The following HEATR4 variants were observed in gnomAD, a reference collection of about 807,000 sequenced individuals.
HEATR4 encodes the protein HEAT repeat containing 4, also known as HEAT repeat-containing protein 4.
HEATR4 carries 95 observed loss-of-function variants against 108.8 expected under a neutral mutation model. That is an observed-to-expected ratio of 0.87 (90% CI 0.74 to 1.04). HEATR4 has a LOEUF of 1.04. Among genes scored for constraint, HEATR4 ranks in the 50% least tolerant of loss-of-function variants. The pLI is 0.00. For synonymous variants in HEATR4, 443 were observed against 459.4 expected (o/e 0.96, Z 0.46); for missense variants, 1,152 against 1,253.8 (o/e 0.92, Z 1.23).
At chr14:73,610,164 G>C in the HEATR4 span, among the ~76,000 whole-genome samples, 6,709 of 152,034 alleles carry the variant, frequency 0.044, 185 homozygotes, top group Middle Eastern at 0.078. Flanking sequence ...CTAGGACTTG[G>C]GGGTAGGCCA....
chr14:73,609,812 T>G, the HEATR4 span, among the ~76,000 whole-genome samples: 1 of 152,018 alleles, frequency 6.6e-6, no homozygotes, highest in East Asian at 1.9e-4. Flanking sequence ...GGCTAATTTT[T>G]GTATTTTTAG....
chr14:73,528,314 G>C (rs1157382868), intron 2 of HEATR4, among the ~76,000 whole-genome samples: 1 of 149,984 alleles, frequency 6.7e-6, no homozygotes, highest in African/African-American at 2.5e-5. Flanking sequence ...ATCGCTTGAA[G>C]CTGGGAGGCG....
the HEATR4 span, among the ~76,000 whole-genome samples, chr14:73,589,051 T>C: frequency 6.6e-6 from 1 of 152,202 alleles, no homozygotes; most frequent in African/African-American, 2.4e-5. Context: ...ACCAGAATGG[T>C]ACATTTGTTA....
rs1219145958 is a variant in HEATR4, at chr14:73,541,798, C to A, written c.-151-11554G>T. ...GCTCATTCATGACAGCCATTCCCTA[C>A]CCCAACACACACTACCTTTTTTAGT... On this transcript the variant is annotated intron_variant, in intron 1 of 17. Transcript: ENST00000553558. 15 of 734,480 alleles carry A rather than the reference C, an allele frequency of 2.0e-5. 2 individuals are homozygous for A. The highest frequency in any genetic ancestry group is 1.1e-4 in the African/African-American group (6 of 53,200). 45.5% of individuals were successfully genotyped at this position (734,480 alleles called of 1,614,324 possible).
At chr14:73,582,520 A>C in the HEATR4 span, 1 of 151,674 alleles carries the variant, frequency 6.6e-6, no homozygotes, top group Non-Finnish European at 1.5e-5. Context: ...CATTCAAGCA[A>C]AGCTGTCTTC....
At chr14:73,510,866 C>T (rs1887207845) in intron 7 of HEATR4, among the ~76,000 whole-genome samples, 2 of 152,340 alleles carry the variant, frequency 1.3e-5, no homozygotes, top group South Asian at 4.1e-4. Flanking sequence ...ACTCCATAGA[C>T]ACAATTCTAG....
At chr14:73,577,331 G>A in the HEATR4 span, among the ~76,000 whole-genome samples, 2 of 134,546 alleles carry the variant, frequency 1.5e-5, no homozygotes, top group African/African-American at 5.6e-5. Context: ...GCTACCTCCT[G>A]TGTTACTCTG....
At chr14:73,533,427 C>T (rs1246213062) in intron 1 of HEATR4, among the ~76,000 whole-genome samples, 9 of 115,468 alleles carry the variant, frequency 7.8e-5, no homozygotes, top group African/African-American at 2.5e-4. Flanking sequence ...GCCTGTAATC[C>T]CAGCACTTTG....
chr14:73,551,376 C>G (rs981474728), intron 1 of HEATR4, among the ~76,000 whole-genome samples: 1 of 114,600 alleles, frequency 8.7e-6, no homozygotes, highest in African/African-American at 2.8e-5. Context: ...CACGTTGCCT[C>G]TCTAAACTGA....
At position 73,553,336 on chromosome 14, in the gene HEATR4, A is replaced by G. The variant is rs527783204; in HGVS notation, c.-152+5415T>C. 5.8e-4 allele frequency among the ~76,000 whole-genome samples: 65 copies of G among 112,796 alleles called. 11 individuals are homozygous for G. Among genetic ancestry groups the G allele is most frequent in the South Asian group, 2.6e-3 (9 of 3,512 alleles). 74.0% of individuals were successfully genotyped at this position (112,796 alleles called of 152,430 possible). A position where few individuals can be genotyped will look rare whatever the true frequency, so the allele number is the denominator to read the frequency against. ...AGCCTGGGCAACATGGTGAGACCCC[A>G]TCTCTACTAAAAATCCAAAAAATAA... On this transcript the variant is annotated intron_variant, in intron 1 of 17. Transcript: ENST00000553558.
chr14:73,570,969 G>A, the HEATR4 span, among the ~76,000 whole-genome samples: 2 of 134,160 alleles, frequency 1.5e-5, no homozygotes, highest in African/African-American at 5.5e-5. Flanking sequence ...TATTGACTAG[G>A]AAGCCACTTT....
At chr14:73,491,921 C>G in intron 17 of HEATR4, 1 of 1,613,452 alleles carries the variant, frequency 6.2e-7, no homozygotes, top group South Asian at 1.1e-5. Context: ...CCTCTGTCCG[C>G]AGGCTTTCTC....
intron 17 of HEATR4, among the ~76,000 whole-genome samples, chr14:73,482,689 T>C (rs1885304342): frequency 6.6e-6 from 1 of 152,184 alleles, no homozygotes; most frequent in Non-Finnish European, 1.5e-5. Context: ...AGAGTTTCAC[T>C]CTTGTCACCC....
the HEATR4 span, among the ~76,000 whole-genome samples, chr14:73,610,209 T>C: frequency 7.2e-4 from 110 of 151,896 alleles, no homozygotes; most frequent in Middle Eastern, 0.01. Flanking sequence ...CTGCTTATTA[T>C]AGTAGTCTCC....
intron 7 of HEATR4, among the ~76,000 whole-genome samples, chr14:73,511,551 AT>A (rs1887259265): frequency 1.5e-5 from 2 of 130,468 alleles, no homozygotes; most frequent in African/African-American, 5.5e-5. Context: ...AAATAAATAA[AT>A]AAATAAATAA....
chr14:73,491,268 C>G (rs751199594), intron 17 of HEATR4: 1 of 1,567,900 alleles, frequency 6.4e-7, no homozygotes, highest in Non-Finnish European at 8.6e-7. Context: ...GGTGGGGCGG[C>G]GGTGGCGGCC....
the HEATR4 span, chr14:73,617,284 G>C: frequency 1.3e-6 from 2 of 1,539,298 alleles, no homozygotes; most frequent in African/African-American, 2.7e-5. Context: ...CTGAGAACTA[G>C]AAACATGCCA....
intron 7 of HEATR4, among the ~76,000 whole-genome samples, chr14:73,509,804 A>C (rs1887084015): frequency 3.0e-5 from 3 of 99,588 alleles, no homozygotes; most frequent in South Asian, 6.9e-4. Flanking sequence ...AATTTGCCCC[A>C]TGAGCCCATA....
At chr14:73,622,199 T>A in the HEATR4 span, among the ~76,000 whole-genome samples, 1 of 151,846 alleles carries the variant, frequency 6.6e-6, no homozygotes, top group African/African-American at 2.4e-5. Context: ...GCAGGGAGGA[T>A]GAGAAAGCAA....
Sources: allele counts gnomAD v4.1 joint callset (sites outside exome capture counted in the v4.1 genomes callset), GRCh38; gene constraint gnomAD v4.1.1; transcripts MANE v1.5; gene names NCBI Gene and HGNC (gene_info 2026-07-23, HGNC 2026-07-21).